NALCN: variants seen among roughly 807,000 people sequenced by gnomAD.
NALCN encodes sodium leak channel, non-selective.
In NALCN, 111 loss-of-function variants were observed where a neutral mutation model predicts 225.3. The ratio of observed to expected loss-of-function variants is 0.49; its 90% CI spans 0.42 to 0.58. The LOEUF is 0.58. Among genes scored for constraint, NALCN ranks in the 20% least tolerant of loss-of-function variants. The pLI, the probability that NALCN is intolerant of heterozygous loss-of-function variation, is 0.00. For synonymous variants in NALCN, 764 were observed against 769.0 expected, an observed-to-expected ratio of 0.99 and a Z score of 0.11; for missense variants, 1,378 against 2,202.4, an observed-to-expected ratio of 0.63 and a Z score of 7.49.
At chr13:101,390,307 T>C (rs1210801733) in intron 3 of NALCN, among the ~76,000 whole-genome samples, 7 of 150,670 alleles carry the variant, frequency 4.6e-5, no homozygotes, top group Admixed American at 4.0e-4. Context: ...CAGGAAATGA[T>C]GAAAAAGAAA....
intron 7 of NALCN, among the ~76,000 whole-genome samples, chr13:101,296,366 C>T (rs573098638): frequency 6.6e-6 from 1 of 152,182 alleles, no homozygotes; most frequent in East Asian, 1.9e-4. Context: ...TAATACTGCA[C>T]AGATAATTTG....
intron 34 of NALCN, among the ~76,000 whole-genome samples, chr13:101,076,690 G>A (rs1466198516): frequency 2.9e-4 from 44 of 152,318 alleles, no homozygotes; most frequent in Admixed American, 2.6e-3. Flanking sequence ...ATCCTTGGAT[G>A]GGGAACTTTC....
At chr13:101,273,884 C>CA (rs34847260) in intron 10 of NALCN, among the ~76,000 whole-genome samples, 1,689 of 95,272 alleles carry the variant, frequency 0.018, 22 homozygotes, top group South Asian at 0.036. Context: ...GACTCCATCT[C>CA]AAAAAAAAAA....
chr13:101,170,085 A>G (rs2038642946), intron 15 of NALCN, among the ~76,000 whole-genome samples: 1 of 140,922 alleles, frequency 7.1e-6, no homozygotes, highest in Non-Finnish European at 1.7e-5. Context: ...GGACATGCAA[A>G]TGAGAGCTTC....
intron 38 of NALCN, 48 bp downstream of exon 38, chr13:101,068,646 TA>T: frequency 6.8e-7 from 1 of 1,459,892 alleles, no homozygotes; most frequent in South Asian, 1.6e-5. Context: ...CATAATTATC[TA>T]AGTACCTGAG....
intron 6 of NALCN, among the ~76,000 whole-genome samples, chr13:101,364,913 GT>G (rs1364965695): frequency 6.6e-6 from 1 of 152,038 alleles, no homozygotes; most frequent in Non-Finnish European, 1.5e-5. Flanking sequence ...TCAAGAAGAC[GT>G]CATAGACCGT....
chr13:101,356,121 T>C (rs1422598530), intron 6 of NALCN, among the ~76,000 whole-genome samples: 3 of 151,612 alleles, frequency 2.0e-5, no homozygotes, highest in Admixed American at 2.0e-4. Context: ...TACCCTAACA[T>C]CACAATGAAA....
In NALCN at chr13:101,108,434, G is replaced by A. The variant is rs1437130273; in HGVS notation, c.2365-645C>T. Among the ~76,000 whole-genome samples the A allele has an allele frequency of 2.0e-5, 3 of 152,164 alleles. No individual in the cohort carries two copies. The South Asian group carries it at 6.2e-4, about 32-fold the overall frequency. On this transcript the variant is annotated intron_variant, in intron 20 of 43. Transcript: ENST00000251127. Reference sequence around the variant, plus strand: ...AAAATAATTCAAAATAAGTATGTAAGAGGATGCTTAGTGATCCGATTTTTT... The same window carrying A: ...AAAATAATTCAAAATAAGTATGTAAAAGGATGCTTAGTGATCCGATTTTTT...
At chr13:101,374,022 T>G (rs568647926) in intron 6 of NALCN, among the ~76,000 whole-genome samples, 10 of 152,022 alleles carry the variant, frequency 6.6e-5, no homozygotes, top group African/African-American at 1.7e-4. Flanking sequence ...GTCCAGAAAA[T>G]GGTTATCAAA....
At chr13:101,392,125 G>A (rs188983762) in intron 3 of NALCN, among the ~76,000 whole-genome samples, 35 of 152,062 alleles carry the variant, frequency 2.3e-4, no homozygotes, top group Middle Eastern at 3.4e-3. Flanking sequence ...TGATTTCACC[G>A]GGAACTGATA....
chr13:101,236,597 G>A (rs956563017), intron 12 of NALCN, among the ~76,000 whole-genome samples: 5 of 152,040 alleles, frequency 3.3e-5, no homozygotes, highest in Admixed American at 2.6e-4. Flanking sequence ...AAAATGATGA[G>A]TTCATGTCCT....
At chr13:101,206,316 G>T (rs1324281189) in intron 13 of NALCN, among the ~76,000 whole-genome samples, 3 of 151,936 alleles carry the variant, frequency 2.0e-5, no homozygotes, top group Non-Finnish European at 4.4e-5. Context: ...TATCAAAAAT[G>T]ATGTGGTCTT....
At chr13:101,341,520 T>C (rs1051641330) in intron 7 of NALCN, among the ~76,000 whole-genome samples, 4 of 152,242 alleles carry the variant, frequency 2.6e-5, no homozygotes, top group Non-Finnish European at 5.9e-5. Flanking sequence ...GTTCACTTAC[T>C]GAGAAAAGCT....
At chr13:101,225,411 A>T (rs1283863484) in intron 13 of NALCN, among the ~76,000 whole-genome samples, 1 of 152,204 alleles carries the variant, frequency 6.6e-6, no homozygotes, top group Admixed American at 6.5e-5. Context: ...AGTATGTTAG[A>T]AAAAGGAGGA....
intron 7 of NALCN, among the ~76,000 whole-genome samples, chr13:101,313,625 A>G (rs1594657678): frequency 2.0e-5 from 3 of 152,118 alleles, no homozygotes; most frequent in Non-Finnish European, 2.9e-5. Flanking sequence ...ACAATGAGAT[A>G]CCATCTCACA....
intron 13 of NALCN, among the ~76,000 whole-genome samples, chr13:101,204,234 T>G (rs2040233528): frequency 6.6e-6 from 1 of 152,206 alleles, no homozygotes; most frequent in Admixed American, 6.5e-5. Flanking sequence ...ATCTGTAAAA[T>G]AATTCCTTAT....
At chr13:101,229,864 G>A (rs527889646) in intron 12 of NALCN, among the ~76,000 whole-genome samples, 3 of 152,044 alleles carry the variant, frequency 2.0e-5, no homozygotes, top group South Asian at 2.1e-4. Flanking sequence ...TTTTTCTAAC[G>A]TTCAAATATG....
intron 13 of NALCN, among the ~76,000 whole-genome samples, chr13:101,226,407 A>G (rs2041143304): frequency 6.6e-6 from 1 of 152,206 alleles, no homozygotes. Flanking sequence ...AAGCCCCTCT[A>G]AAGTTTATTC....
rs72650842 is a variant in NALCN, at chr13:101,071,685, G to A, written c.4197+1899C>T. 7.2e-3 allele frequency among the ~76,000 whole-genome samples: 1,091 copies of A among 152,214 alleles called. 4 individuals are homozygous for A. Among genetic ancestry groups the A allele is most frequent in the Middle Eastern group, 0.048 (14 of 294 alleles). ...ATTTTTTCTCCATATCAGCCATAAG[G>A]CTATTTCTTATCAGTCATGTGTTCA... On this transcript the variant is annotated intron_variant, in intron 37 of 43. Transcript: ENST00000251127.
Sources: allele counts gnomAD v4.1 joint callset (sites outside exome capture counted in the v4.1 genomes callset), GRCh38; gene constraint gnomAD v4.1.1; transcripts MANE v1.5; gene names NCBI Gene and HGNC (gene_info 2026-07-23, HGNC 2026-07-21).